NT5DC3: variants seen among roughly 807,000 people sequenced by gnomAD.
NT5DC3 encodes the protein 5'-nucleotidase domain-containing protein 3.
NT5DC3 carries 42 observed loss-of-function variants against 67.8 expected under a neutral mutation model. The observed-to-expected ratio is 0.62, with a 90% confidence interval of 0.48 to 0.80. NT5DC3 has a LOEUF of 0.80. Ranked by LOEUF, NT5DC3 falls within the 30% of genes least tolerant of loss-of-function variation. The pLI, the probability that NT5DC3 is intolerant of heterozygous loss-of-function variation, is 0.00. For synonymous variants in NT5DC3, 237 were observed against 255.6 expected, an observed-to-expected ratio of 0.93 and a Z score of 0.69; for missense variants, 570 against 696.4, an observed-to-expected ratio of 0.82 and a Z score of 2.04.
chr12:103,791,809 TGA>T (rs1886076928), intron 9 of NT5DC3, among the ~76,000 whole-genome samples: 1 of 152,232 alleles, frequency 6.6e-6, no homozygotes, highest in Non-Finnish European at 1.5e-5. Context: ...AACCCTATCG[TGA>T]GCTGCACAAG....
At chr12:103,813,368 A>C (rs1887114597) in intron 2 of NT5DC3, among the ~76,000 whole-genome samples, 1 of 152,224 alleles carries the variant, frequency 6.6e-6, no homozygotes, top group Admixed American at 6.5e-5. Context: ...CTGGATGCCA[A>C]GTGGCTAGGT....
chr12:103,836,063 C>T (rs910860564), intron 1 of NT5DC3, among the ~76,000 whole-genome samples: 5 of 152,136 alleles, frequency 3.3e-5, no homozygotes, highest in African/African-American at 1.2e-4. Context: ...GAAAGACCAG[C>T]CCCCATGATT....
Position 103,811,256 on chromosome 12 carries a change from A to G in NT5DC3, c.393+3681T>C, listed in dbSNP as rs528066536. The stretch of plus-strand genomic sequence containing the variant: ...AGTGTATGTTCTAAAAGAAAATGCA[A>G]TACAAGCATTCACAAATCTGCGGGT... On this transcript the variant is annotated intron_variant, in intron 2 of 13. Transcript: ENST00000392876. 1.7e-3 allele frequency among the ~76,000 whole-genome samples: 259 copies of G among 150,922 alleles called. 1 individual carries two copies. Among genetic ancestry groups the G allele is most frequent in the African/African-American group, 6.0e-3 (245 of 41,088 alleles).
intron 4 of NT5DC3, among the ~76,000 whole-genome samples, chr12:103,802,915 G>A (rs1886644444): frequency 6.6e-6 from 1 of 152,172 alleles, no homozygotes; most frequent in Non-Finnish European, 1.5e-5. Flanking sequence ...AGAGAGCAGG[G>A]AGCCATCCAG....
At chr12:103,814,128 G>T (rs916285964) in intron 2 of NT5DC3, among the ~76,000 whole-genome samples, 5 of 152,172 alleles carry the variant, frequency 3.3e-5, no homozygotes, top group African/African-American at 1.2e-4. Flanking sequence ...GTTCTCCACG[G>T]GCAATGCCTG....
At chr12:103,792,978 C>CATGCAAACTGTCTGTTACGTG (rs1215414027) in intron 9 of NT5DC3, among the ~76,000 whole-genome samples, 186 bp downstream of exon 9, 1 of 152,202 alleles carries the variant, frequency 6.6e-6, no homozygotes, top group Non-Finnish European at 1.5e-5. Context: ...CCTTTCAATG[C>CATGCAAACTGTCTGTTACGTG]ATGCAAACTG....
intron 1 of NT5DC3, among the ~76,000 whole-genome samples, chr12:103,815,960 A>T (rs1292669115): frequency 6.6e-6 from 1 of 152,208 alleles, no homozygotes; most frequent in Non-Finnish European, 1.5e-5. Context: ...CCAGAAAAAA[A>T]CTACTGACAT....
rs181335935 is a variant in NT5DC3 at position 103,777,419 on chromosome 12, A to G, written c.*410T>C. The stretch of plus-strand genomic sequence containing the variant: ...TTCTGGAAGCAGCTAATCTTTGCCC[A>G]TCACTGTGCCCCTGCAGTTCCCAAT... On this transcript the variant is annotated 3_prime_UTR_variant, in exon 14 of 14. Transcript: ENST00000392876. 18 of 173,714 alleles carry G rather than the reference A, an allele frequency of 1.0e-4. No homozygotes were observed. The highest frequency in any genetic ancestry group is 2.2e-4 in the Non-Finnish European group (18 of 80,874). 10.8% of individuals were successfully genotyped at this position (173,714 alleles called of 1,614,324 possible).
intron 1 of NT5DC3, among the ~76,000 whole-genome samples, chr12:103,831,820 G>A (rs910844675): frequency 4.1e-5 from 6 of 147,088 alleles, no homozygotes; most frequent in Non-Finnish European, 7.4e-5. Context: ...CTGTCACTCA[G>A]GCTGGAGTAC....
chr12:103,754,816 C>A, the NT5DC3 span, among the ~76,000 whole-genome samples: 1 of 151,900 alleles, frequency 6.6e-6, no homozygotes, highest in Non-Finnish European at 1.5e-5. Context: ...CATGGTGGTG[C>A]ACACCTGTAA....
At chr12:103,811,698 G>A (rs1458889838) in intron 2 of NT5DC3, among the ~76,000 whole-genome samples, 2 of 152,134 alleles carry the variant, frequency 1.3e-5, no homozygotes, top group Non-Finnish European at 2.9e-5. Flanking sequence ...AAGGAAGTAT[G>A]GACTTCAGTG....
At chr12:103,759,149 A>G in the NT5DC3 span, 3 of 1,614,148 alleles carry the variant, frequency 1.9e-6, no homozygotes, top group African/African-American at 2.7e-5. Context: ...TCTGGGCGGG[A>G]CATCGAGCAC....
intron 13 of NT5DC3, among the ~76,000 whole-genome samples, chr12:103,778,909 G>A (rs934099898): frequency 2.6e-5 from 4 of 152,132 alleles, no homozygotes; most frequent in African/African-American, 9.7e-5. Context: ...AGATTCTTTT[G>A]CAAGCTTCTC....
At chr12:103,837,676 T>C (rs924986661) in intron 1 of NT5DC3, among the ~76,000 whole-genome samples, 4 of 152,208 alleles carry the variant, frequency 2.6e-5, no homozygotes, top group Non-Finnish European at 4.4e-5. Flanking sequence ...ATAACAAAAG[T>C]TACCTTTGCT....
intron 2 of NT5DC3, among the ~76,000 whole-genome samples, chr12:103,807,291 C>T (rs569349014): frequency 6.6e-6 from 1 of 152,222 alleles, no homozygotes; most frequent in Non-Finnish European, 1.5e-5. Flanking sequence ...CCACCCATCA[C>T]TCCCTCCTTT....
chr12:103,749,835 G>A, the NT5DC3 span, among the ~76,000 whole-genome samples: 1 of 53,734 alleles, frequency 1.9e-5, no homozygotes. Context: ...GCAAGACTCT[G>A]TCTCACAAAA....
the NT5DC3 span, among the ~76,000 whole-genome samples, chr12:103,760,443 TAG>T: frequency 6.6e-6 from 1 of 152,192 alleles, no homozygotes. Flanking sequence ...GTATTTTTAA[TAG>T]AGATGGGGTT....
chr12:103,827,982 T>C (rs1052612515), intron 1 of NT5DC3, among the ~76,000 whole-genome samples: 1 of 152,210 alleles, frequency 6.6e-6, no homozygotes, highest in Admixed American at 6.5e-5. Flanking sequence ...ACAGTGTTTG[T>C]TCACCAAGGA....
At chr12:103,835,795 C>T (rs992402192) in intron 1 of NT5DC3, among the ~76,000 whole-genome samples, 24 of 152,126 alleles carry the variant, frequency 1.6e-4, no homozygotes, top group African/African-American at 5.8e-4. Flanking sequence ...CACATCAAAG[C>T]CCAAACTCTG....
Sources: gnomAD v4.1 joint callset for allele counts (sites outside exome capture counted in the v4.1 genomes callset) on GRCh38, gnomAD v4.1.1 for gene constraint, MANE v1.5 for transcripts, NCBI Gene and HGNC (gene_info 2026-07-23, HGNC 2026-07-21) for gene names.